LDLRAD4: variants seen among roughly 807,000 people sequenced by gnomAD.
The protein encoded by LDLRAD4 is low density lipoprotein receptor class A domain containing 4, also known as low-density lipoprotein receptor class A domain-containing protein 4.
LDLRAD4 carries 5 observed loss-of-function variants against 17.0 expected under a neutral mutation model. The observed-to-expected ratio is 0.29, with a 90% confidence interval of 0.15 to 0.62. The LOEUF is 0.62. Ranked by LOEUF, LDLRAD4 falls within the 20% of genes least tolerant of loss-of-function variation. The probability of loss-of-function intolerance (pLI) is 0.84; values close to 1 mark genes in which losing one functional copy is unlikely to be tolerated. For synonymous variants in LDLRAD4, 168 were observed against 171.8 expected (o/e 0.98, Z 0.17); for missense variants, 340 against 424.7 (o/e 0.80, Z 1.75).
chr18:13,535,145 T>C (rs1002821638), intron 3 of LDLRAD4, among the ~76,000 whole-genome samples: 2 of 152,240 alleles, frequency 1.3e-5, no homozygotes, highest in Non-Finnish European at 2.9e-5. Flanking sequence ...AATATTCACA[T>C]AGAAGTCTTT....
At chr18:13,246,537 C>A (rs1282072303) in intron 1 of LDLRAD4, among the ~76,000 whole-genome samples, 1 of 152,238 alleles carries the variant, frequency 6.6e-6, no homozygotes, top group Admixed American at 6.5e-5. Context: ...TGTACACACA[C>A]CGAGGTCAGT....
intron 1 of LDLRAD4, among the ~76,000 whole-genome samples, chr18:13,370,597 G>T (rs925156815): frequency 6.6e-6 from 1 of 152,138 alleles, no homozygotes; most frequent in Non-Finnish European, 1.5e-5. Flanking sequence ...CTTGCTGTGC[G>T]GAAGTGGCCC....
chr18:13,642,768 T>C (rs1414879460), intron 4 of LDLRAD4: 6 of 1,227,936 alleles, frequency 4.9e-6, no homozygotes, highest in Non-Finnish European at 6.1e-6. Flanking sequence ...GTGTAGAGAG[T>C]GAGCCATATT....
At chr18:13,413,226 C>A (rs1008159072) in intron 2 of LDLRAD4, among the ~76,000 whole-genome samples, 26 of 152,200 alleles carry the variant, frequency 1.7e-4, no homozygotes, top group Non-Finnish European at 4.4e-5. Flanking sequence ...TGCAAAGGCA[C>A]TCCCTTTCCC....
At chr18:13,372,648 GT>G (rs1345565263) in intron 1 of LDLRAD4, among the ~76,000 whole-genome samples, 1 of 152,186 alleles carries the variant, frequency 6.6e-6, no homozygotes, top group African/African-American at 2.4e-5. Context: ...GCTCTGCAGG[GT>G]TTTTCCCCTC....
At chr18:13,242,301 A>G (rs1166911972) in intron 1 of LDLRAD4, among the ~76,000 whole-genome samples, 2 of 152,216 alleles carry the variant, frequency 1.3e-5, no homozygotes, top group African/African-American at 2.4e-5. Flanking sequence ...GATCATCTGC[A>G]TTTTCCAATT....
intron 2 of LDLRAD4, among the ~76,000 whole-genome samples, chr18:13,433,611 T>C (rs10502420): frequency 0.38 from 57,039 of 152,082 alleles, 12,082 homozygotes; most frequent in Non-Finnish European, 0.48. Flanking sequence ...CTGCTTAAGA[T>C]TGAGCATTTA....
intron 1 of LDLRAD4, among the ~76,000 whole-genome samples, chr18:13,338,009 A>G (rs2082188504): frequency 1.3e-5 from 2 of 152,182 alleles, no homozygotes; most frequent in African/African-American, 4.8e-5. Context: ...GTAGCAAGTT[A>G]TGGTTACAGA....
intron 2 of LDLRAD4, among the ~76,000 whole-genome samples, chr18:13,414,556 C>T (rs972809697): frequency 6.6e-6 from 1 of 152,218 alleles, no homozygotes; most frequent in Admixed American, 6.5e-5. Context: ...GCTAAAGTCC[C>T]CCATTGTCAC....
chr18:13,302,008 G>T (rs1258720008), intron 1 of LDLRAD4, among the ~76,000 whole-genome samples: 1 of 152,092 alleles, frequency 6.6e-6, no homozygotes, highest in East Asian at 1.9e-4. Context: ...TCCCAGATAC[G>T]TACATATAAA....
intron 1 of LDLRAD4, among the ~76,000 whole-genome samples, chr18:13,341,621 C>CT (rs1026642823): frequency 3.1e-4 from 47 of 152,014 alleles, no homozygotes; most frequent in African/African-American, 8.7e-4. Context: ...AATTCTAACA[C>CT]TTTTTTTAAA....
chr18:13,631,738 G>A (rs1178450321), intron 4 of LDLRAD4, among the ~76,000 whole-genome samples: 1 of 152,064 alleles, frequency 6.6e-6, no homozygotes, highest in African/African-American at 2.4e-5. Flanking sequence ...GACCAGCCTG[G>A]CCAACATGGT....
At chr18:13,550,777 C>G (rs2094424751) in intron 3 of LDLRAD4, among the ~76,000 whole-genome samples, 1 of 152,192 alleles carries the variant, frequency 6.6e-6, no homozygotes, top group South Asian at 2.1e-4. Context: ...AAGAGCGAGA[C>G]TCCAAGTCCG....
intron 1 of LDLRAD4, among the ~76,000 whole-genome samples, chr18:13,244,537 C>G (rs1011152836): frequency 3.3e-5 from 5 of 152,194 alleles, no homozygotes; most frequent in Non-Finnish European, 7.3e-5. Flanking sequence ...TGTTACCTAC[C>G]TACGTCTCTC....
rs138151845 is a variant in LDLRAD4, at chr18:13,456,857, A to T, written c.181+18473A>T. Among the ~76,000 whole-genome samples, 3 of 152,310 alleles carry T rather than the reference A, an allele frequency of 2.0e-5. No individual in the cohort carries two copies. In the East Asian group the frequency reaches 5.8e-4, roughly 29 times the overall value. On this transcript the variant is annotated intron_variant, in intron 3 of 5. Coordinates refer to ENST00000359446, the Ensembl canonical transcript of LDLRAD4. ...CAATGCCACCCATTTTTCTTGGGAT[A>T]TGTGGTTTTTTCTAGATTCTGTGGC...
In LDLRAD4 at chr18:13,539,991, G is replaced by A. The variant is rs889928663; in HGVS notation, c.182-81126G>A. On this transcript the variant is annotated intron_variant, in intron 3 of 5. Coordinates refer to ENST00000359446, the Ensembl canonical transcript of LDLRAD4. ...GTCAGCCCACAGGCAAAGTCCTGTA[G>A]GCCCTGACACCCCCAGGGTTGGGGC... Among the ~76,000 whole-genome samples the A allele has an allele frequency of 2.0e-5, 3 of 152,184 alleles. No homozygotes were observed. In the South Asian group the frequency reaches 6.2e-4, roughly 32 times the overall value.
intron 1 of LDLRAD4, among the ~76,000 whole-genome samples, chr18:13,337,699 C>G (rs930565457): frequency 1.4e-5 from 2 of 143,464 alleles, no homozygotes; most frequent in Non-Finnish European, 1.5e-5. Context: ...GAGTTCAAGA[C>G]CAGCCTGGTC....
At chr18:13,330,854 T>A in intron 1 of LDLRAD4, among the ~76,000 whole-genome samples, 1 of 152,138 alleles carries the variant, frequency 6.6e-6, no homozygotes. Flanking sequence ...TGATCACCAG[T>A]GGCCAATGAT....
rs552992217 is a variant in LDLRAD4, at chr18:13,568,051, G to A, written c.182-53066G>A. ...TGTAATCCCAGCACTTTGGGAGGCC[G>A]AGGAGGTGGGGGGTGGGGGGATCAC... On this transcript the variant is annotated intron_variant, in intron 3 of 5. Coordinates refer to ENST00000359446, the Ensembl canonical transcript of LDLRAD4. Among the ~76,000 whole-genome samples, 11 of 151,682 alleles carry A rather than the reference G, an allele frequency of 7.3e-5. No individual in the cohort carries two copies. The South Asian group carries it at 1.5e-3, about 20-fold the overall frequency.
Sources: allele counts gnomAD v4.1 joint callset (sites outside exome capture counted in the v4.1 genomes callset), GRCh38; gene constraint gnomAD v4.1.1; transcripts MANE v1.5; gene names NCBI Gene and HGNC (gene_info 2026-07-23, HGNC 2026-07-21).